Variants in ARHGAP11A observed in about 807,000 individuals in gnomAD.
ARHGAP11A encodes the protein Rho GTPase activating protein 11A.
In ARHGAP11A, 36 loss-of-function variants were observed where a neutral mutation model predicts 60.5. The ratio of observed to expected loss-of-function variants is 0.59; its 90% CI spans 0.46 to 0.79. The LOEUF is 0.79. Ranked by LOEUF, ARHGAP11A falls within the 30% of genes least tolerant of loss-of-function variation. The pLI is 0.00. For missense variants in ARHGAP11A, 1,071 were observed against 1,199.2 expected (o/e 0.89, Z 1.58); for synonymous variants, 362 against 415.5 (o/e 0.87, Z 1.57).
chr15:32,628,126 A>G (rs1262902419), intron 6 of ARHGAP11A, among the ~76,000 whole-genome samples: 1 of 152,212 alleles, frequency 6.6e-6, no homozygotes, highest in Non-Finnish European at 1.5e-5. Context: ...TACATTTTAA[A>G]TGTATAACTC....
chr15:32,622,016 C>A (rs1341186189), intron 2 of ARHGAP11A, among the ~76,000 whole-genome samples: 2 of 152,428 alleles, frequency 1.3e-5, no homozygotes, highest in Admixed American at 6.5e-5. Flanking sequence ...AGTTTCCCCC[C>A]ATTCATCCTA....
In ARHGAP11A at chr15:32,636,578, C is replaced by T. The variant is rs972707513; in HGVS notation, c.1805C>T (p.Ala602Val). Reference sequence around the variant, plus strand: ...GAGACTTTGGTGAAAGTTCAAAAAGCGTTTTCTGAATCTGGAAGTAATCTT... The same window carrying T: ...GAGACTTTGGTGAAAGTTCAAAAAGTGTTTTCTGAATCTGGAAGTAATCTT... ...TKETLVKVQKAFSESGSNLHA... is the reference protein window; with the variant it reads ...TKETLVKVQKVFSESGSNLHA... Residue 602 changes from alanine to valine, a missense_variant, in exon 12 of 12, where the codon GCG becomes GTG. Ala to Val is a moderately conservative substitution (Grantham distance 64, BLOSUM62 0). Around this residue, in one of 4 missense-constraint regions of ARHGAP11A, gnomAD observed 776 missense variants for 760.2 expected, o/e 1.02. Coordinates refer to ENST00000361627, the MANE Select transcript of ARHGAP11A (RefSeq NM_014783.6). 30 of 1,613,946 alleles carry T rather than the reference C, an allele frequency of 1.9e-5. No individual in the cohort carries two copies. Among genetic ancestry groups the T allele is most frequent in the African/African-American group, 2.7e-5 (2 of 74,912 alleles).
In ARHGAP11A at chr15:32,629,737, C is replaced by T. The variant is rs141394632; in HGVS notation, c.1080C>T (p.Phe360=). Residue 360 remains phenylalanine (F), a synonymous_variant, in exon 8 of 12, where the codon TTC becomes TTT. Coordinates refer to ENST00000361627, the MANE Select transcript of ARHGAP11A (RefSeq NM_014783.6). ...TTGAGCTGTTGCCAAGTAATCTCTT[C>T]AATAGCAGTTCTACACCGGTATCAG... ...FNFELLPSNL[F]NSSSTPVSVH... is the part of the protein sequence containing the mutation. 7 of 1,611,282 alleles carry T rather than the reference C, an allele frequency of 4.3e-6. No homozygotes were observed. The highest frequency in any genetic ancestry group is 5.1e-6 in the Non-Finnish European group (6 of 1,179,240).
intron 10 of ARHGAP11A, 121 bp from the exon 11 acceptor site, chr15:32,635,656 C>T (rs1375469169): frequency 5.1e-6 from 3 of 593,980 alleles, no homozygotes; most frequent in Admixed American, 4.2e-5. Context: ...AATTGTTTCT[C>T]AATTATATAT....
intron 11 of ARHGAP11A, 104 bp from the exon 12 acceptor site, chr15:32,636,153 T>G: frequency 6.9e-7 from 1 of 1,446,136 alleles, no homozygotes; most frequent in Non-Finnish European, 9.1e-7. Flanking sequence ...ACACAAATAC[T>G]TTATTAGAAT....
rs932496074 is a variant in ARHGAP11A at position 32,629,726 on chromosome 15, A to G, written c.1069A>G (p.Ser357Gly). 1.2e-5 allele frequency: 19 copies of G among 1,612,626 alleles called. No individual in the cohort carries two copies. The highest frequency in any genetic ancestry group is 1.4e-5 in the Non-Finnish European group (17 of 1,179,680). The change falls in exon 8 of 12, where the codon AGT becomes GGT. Residue 357 changes from serine to glycine, a missense_variant. Coordinates refer to ENST00000361627, the MANE Select transcript of ARHGAP11A (RefSeq NM_014783.6). ...CAATTTTAACTTTGAGCTGTTGCCA[A>G]GTAATCTCTTCAATAGCAGTTCTAC... ...KHNFNFELLP[S>G]NLFNSSSTPV...
At chr15:32,633,194 A>G (rs1218993189) in intron 9 of ARHGAP11A, 86 bp downstream of exon 9, 8 of 1,464,358 alleles carry the variant, frequency 5.5e-6, no homozygotes, top group South Asian at 2.6e-5. Context: ...TCTGTCAAGC[A>G]TCATATTTGA....
At chr15:32,622,524 T>C (rs2053360875) in intron 2 of ARHGAP11A, among the ~76,000 whole-genome samples, 1 of 152,232 alleles carries the variant, frequency 6.6e-6, no homozygotes, top group Non-Finnish European at 1.5e-5. Context: ...ACCTACTTTT[T>C]ATTTAATTAA....
chr15:32,634,845 T>G (rs1218624400), intron 10 of ARHGAP11A, among the ~76,000 whole-genome samples: 1 of 152,244 alleles, frequency 6.6e-6, no homozygotes, highest in Admixed American at 6.5e-5. Flanking sequence ...GTCTAACTTC[T>G]GCTTTTAGAG....
intron 11 of ARHGAP11A, 157 bp from the exon 12 acceptor site, chr15:32,636,100 A>G: frequency 7.2e-7 from 1 of 1,391,480 alleles, no homozygotes; most frequent in Non-Finnish European, 9.3e-7. Context: ...ACATGTAAAT[A>G]TGAAAATGTT....
At chr15:32,625,693 C>A (rs1472921036) in intron 6 of ARHGAP11A, 60 bp downstream of exon 6, 4 of 1,578,916 alleles carry the variant, frequency 2.5e-6, no homozygotes, top group South Asian at 1.2e-5. Flanking sequence ...AAGTACATTT[C>A]ACATAAAGAA....
At chr15:32,617,435 A>T (rs1175360185) in intron 1 of ARHGAP11A, among the ~76,000 whole-genome samples, 2 of 147,114 alleles carry the variant, frequency 1.4e-5, no homozygotes, top group African/African-American at 2.5e-5. Flanking sequence ...AAGAGTTTGT[A>T]TATGGACTTT....
chr15:32,636,908 T>C lies in ARHGAP11A; in HGVS notation c.2135T>C (p.Leu712Ser), dbSNP rs765600768. The C allele has an allele frequency of 2.9e-5, 46 of 1,613,164 alleles. No individual in the cohort carries two copies. The highest frequency in any genetic ancestry group is 3.8e-5 in the Non-Finnish European group (45 of 1,179,834). The change falls in exon 12 of 12, where the codon TTA becomes TCA. Residue 712 changes from leucine to serine, a missense_variant. Around this residue, in one of 4 missense-constraint regions of ARHGAP11A, gnomAD observed 776 missense variants for 760.2 expected, o/e 1.02. Transcript: ENST00000361627. The part of the protein sequence containing the change: ...DIHSNMPKDY[L>S]SKQEFSSDEE... ...CATTCAAATATGCCAAAAGATTATT[T>C]AAGCAAGCAAGAATTCTCCAGTGAT...
chr15:32,623,584 T>G lies in ARHGAP11A; in HGVS notation c.293T>G (p.Leu98Arg). Residue 98 changes from leucine (L) to arginine (R), a missense_variant, in exon 3 of 12, where the codon CTA becomes CGA. Physicochemically the swap from Leu to Arg is moderately radical, Grantham distance 102. Around this residue, in one of 4 missense-constraint regions of ARHGAP11A, gnomAD observed 71 missense variants for 142.4 expected, o/e 0.50. Coordinates refer to ENST00000361627, the MANE Select transcript of ARHGAP11A (RefSeq NM_014783.6). ...GGATCTGTGATTCGCCTAAAAGCAC[T>G]AAAGGTGAGCATATTGTTGAACTAT... is the stretch of plus-strand genomic sequence containing the variant. ...KSGSVIRLKALKNKVDHGEGC... is the reference protein window; with the variant it reads ...KSGSVIRLKARKNKVDHGEGC... 6.2e-7 allele frequency: 1 copy of G among 1,612,798 alleles called. No homozygotes were observed. The highest frequency in any genetic ancestry group is 8.5e-7 in the Non-Finnish European group (1 of 1,179,602).
In ARHGAP11A at chr15:32,636,159, A is replaced by G. The variant is rs1008544864; in HGVS notation, c.1484-98A>G. 3 of 1,453,476 alleles carry G rather than the reference A, an allele frequency of 2.1e-6. No homozygotes were observed. The South Asian group carries it at 4.8e-5, about 23-fold the overall frequency. The allele number at this position is 1,453,476 out of a possible 1,614,324, so 90.0% of individuals were successfully genotyped here. A position where few individuals can be genotyped will look rare whatever the true frequency, so the allele number is the denominator to read the frequency against. ...TTTCTTGTAACACAAATACTTTATT[A>G]GAATTAAATGCTTAGTGACTTATTT... On this transcript the variant is annotated intron_variant, in intron 11 of 11. Transcript: ENST00000361627.
rs774361730 is a variant in ARHGAP11A, at chr15:32,616,191, A to G, written c.-21A>G. ...GGTCAGGACCTGCATCCTGCCTCAG[A>G]GAGTTATCGACGTATCCGGAATGTG... On this transcript the variant is annotated 5_prime_UTR_variant, in exon 1 of 12. Transcript: ENST00000361627. The G allele has an allele frequency of 6.2e-7, 1 of 1,613,394 alleles. No individual in the cohort carries two copies. The highest frequency in any genetic ancestry group is 1.1e-5 in the South Asian group (1 of 91,010).
chr15:32,627,453 G>A (rs2053487021), intron 6 of ARHGAP11A, among the ~76,000 whole-genome samples: 1 of 151,988 alleles, frequency 6.6e-6, no homozygotes, highest in Non-Finnish European at 1.5e-5. Flanking sequence ...TTCTTGGCCG[G>A]GCGCGATGGC....
chr15:32,623,610 T>G, intron 3 of ARHGAP11A, 22 bp downstream of exon 3: 1 of 1,599,410 alleles, frequency 6.3e-7, no homozygotes, highest in South Asian at 1.1e-5. Flanking sequence ...GTTGAACTAT[T>G]AATTTTTCAT....
At chr15:32,624,735 C>T (rs2053417491) in intron 4 of ARHGAP11A, among the ~76,000 whole-genome samples, 1 of 151,730 alleles carries the variant, frequency 6.6e-6, no homozygotes, top group South Asian at 2.1e-4. Flanking sequence ...ATTTCCCTCT[C>T]CCTGCTGTCA....
Sources: gnomAD v4.1 joint callset for allele counts (sites outside exome capture counted in the v4.1 genomes callset) on GRCh38, gnomAD v4.1.1 for gene constraint, gnomAD v4.1.1 regional missense constraint, MANE v1.5 for transcripts, NCBI Gene and HGNC (gene_info 2026-07-23, HGNC 2026-07-21) for gene names.